The following ZFAT variants were observed in gnomAD, a reference collection of about 807,000 sequenced individuals.
ZFAT encodes the protein zinc finger and AT-hook domain containing.
In ZFAT, 64 loss-of-function variants were observed where a neutral mutation model predicts 117.7. The ratio of observed to expected loss-of-function variants is 0.54; its 90% CI spans 0.44 to 0.67. The LOEUF (loss-of-function observed/expected upper bound fraction) is 0.67, where lower values mean the gene tolerates loss of function less well. ZFAT is among the 30% of genes least tolerant of loss of function. The pLI is 0.00. For missense variants in ZFAT, 1,433 were observed against 1,584.5 expected, an observed-to-expected ratio of 0.90 and a Z score of 1.62; for synonymous variants, 679 against 615.0, an observed-to-expected ratio of 1.10 and a Z score of -1.54.
intron 7 of ZFAT, among the ~76,000 whole-genome samples, chr8:134,595,134 T>C (rs1826831448): frequency 6.6e-6 from 1 of 152,072 alleles, no homozygotes; most frequent in Admixed American, 6.5e-5. Flanking sequence ...CCCACAGGGG[T>C]CACCCATCTG....
intron 1 of ZFAT, among the ~76,000 whole-genome samples, chr8:134,680,078 A>T (rs1031311996): frequency 1.3e-5 from 2 of 151,732 alleles, no homozygotes; most frequent in Non-Finnish European, 2.9e-5. Flanking sequence ...GTACCCCTGA[A>T]CTTAAAGTAT....
At chr8:134,737,803 A>C in the ZFAT span, among the ~76,000 whole-genome samples, 1 of 152,208 alleles carries the variant, frequency 6.6e-6, no homozygotes, top group Non-Finnish European at 1.5e-5. Flanking sequence ...CTACAACCAG[A>C]ACCTCTATCT....
At chr8:134,780,470 C>T in the ZFAT span, among the ~76,000 whole-genome samples, 1 of 152,358 alleles carries the variant, frequency 6.6e-6, no homozygotes, top group South Asian at 2.1e-4. Flanking sequence ...TCCTTGTCCA[C>T]ATGAATGTAT....
chr8:134,697,793 C>G (rs549465509), intron 1 of ZFAT, among the ~76,000 whole-genome samples: 286 of 149,370 alleles, frequency 1.9e-3, no homozygotes, highest in Non-Finnish European at 3.3e-3. Flanking sequence ...GTTGGCCAGG[C>G]TGATCTTAAA....
At chr8:134,585,282 C>T (rs1053010213) in intron 9 of ZFAT, among the ~76,000 whole-genome samples, 3 of 152,080 alleles carry the variant, frequency 2.0e-5, no homozygotes, top group African/African-American at 7.2e-5. Context: ...ATTTCAACCC[C>T]GAGTCAAAGC....
chr8:134,669,129 C>G (rs200207305), intron 1 of ZFAT, among the ~76,000 whole-genome samples: 4 of 152,156 alleles, frequency 2.6e-5, no homozygotes, highest in African/African-American at 9.7e-5. Context: ...CGTCTGATCG[C>G]TGTACCTGAA....
chr8:134,811,252 T>G, the ZFAT span, among the ~76,000 whole-genome samples: 1 of 152,208 alleles, frequency 6.6e-6, no homozygotes, highest in Non-Finnish European at 1.5e-5. Flanking sequence ...AGATTATCGT[T>G]TTTATACTTC....
chr8:134,520,917 T>C lies in ZFAT; in HGVS notation c.3200A>G (p.Lys1067Arg). Residue 1067 changes from lysine (K) to arginine (R), a missense_variant, in exon 13 of 16, where the codon AAG becomes AGG. Lys to Arg is a conservative substitution (Grantham distance 26). Around this residue, in one of 5 missense-constraint regions of ZFAT, gnomAD observed 503 missense variants for 543.4 expected, o/e 0.93. Transcript: ENST00000377838. ...NRHLKNKHGL[K>R]VVEIDGDPKW... is the part of the protein sequence containing the mutation. ...GGGGTCTCCATCAATTTCCACCACCTTCAAGCCATGTTTGTTCTTCAAGTG... is the reference window on the plus strand; with the variant it reads ...GGGGTCTCCATCAATTTCCACCACCCTCAAGCCATGTTTGTTCTTCAAGTG... 1 of 1,613,926 alleles carries C rather than the reference T, an allele frequency of 6.2e-7. No individual in the cohort carries two copies. The highest frequency in any genetic ancestry group is 8.5e-7 in the Non-Finnish European group (1 of 1,179,848).
chr8:134,751,407 T>C, the ZFAT span, among the ~76,000 whole-genome samples: 4 of 152,140 alleles, frequency 2.6e-5, no homozygotes, highest in African/African-American at 9.7e-5. Context: ...CCAGTCGGGA[T>C]ACGTGGGTTG....
At chr8:134,804,381 G>A in the ZFAT span, among the ~76,000 whole-genome samples, 9 of 152,298 alleles carry the variant, frequency 5.9e-5, no homozygotes, top group Middle Eastern at 3.4e-3. Flanking sequence ...CTCAGGGTGA[G>A]GGGAACAGGA....
chr8:134,632,327 A>G (rs1829944012), intron 3 of ZFAT, among the ~76,000 whole-genome samples: 1 of 152,230 alleles, frequency 6.6e-6, no homozygotes. Context: ...TACATATAAC[A>G]TACCAAATAT....
At chr8:134,810,282 A>G in the ZFAT span, among the ~76,000 whole-genome samples, 3 of 152,314 alleles carry the variant, frequency 2.0e-5, no homozygotes, top group African/African-American at 7.2e-5. Context: ...TATATAAGCA[A>G]AAAGAGATTT....
chr8:134,481,608 C>T (rs573420007), intron 15 of ZFAT, among the ~76,000 whole-genome samples: 4 of 152,194 alleles, frequency 2.6e-5, no homozygotes, highest in Admixed American at 6.5e-5. Flanking sequence ...AGGAGAACCA[C>T]GCCAGGACCA....
the ZFAT span, among the ~76,000 whole-genome samples, chr8:134,776,626 C>T: frequency 1.3e-5 from 2 of 152,168 alleles, no homozygotes; most frequent in Non-Finnish European, 2.9e-5. Context: ...AACAGCTAGG[C>T]CTGCATAGCT....
the ZFAT span, among the ~76,000 whole-genome samples, chr8:134,762,036 C>T: frequency 1.3e-5 from 2 of 149,056 alleles, no homozygotes; most frequent in Non-Finnish European, 2.9e-5. Flanking sequence ...TCCACAGGAC[C>T]ACAAGAGGCC....
At chr8:134,744,055 A>T in the ZFAT span, among the ~76,000 whole-genome samples, 1 of 152,148 alleles carries the variant, frequency 6.6e-6, no homozygotes, top group Non-Finnish European at 1.5e-5. Context: ...CAAATTTATT[A>T]TCTCACACTT....
chr8:134,675,320 A>G (rs757073684), intron 1 of ZFAT, among the ~76,000 whole-genome samples: 5 of 152,216 alleles, frequency 3.3e-5, no homozygotes, highest in Non-Finnish European at 7.3e-5. Flanking sequence ...ACAAGTATCA[A>G]TAGCCAAATC....
At chr8:134,585,004 A>G (rs943609962) in intron 9 of ZFAT, among the ~76,000 whole-genome samples, 2 of 152,224 alleles carry the variant, frequency 1.3e-5, no homozygotes, top group Non-Finnish European at 2.9e-5. Flanking sequence ...CGCAAAGCCC[A>G]GCTCTGGTCT....
At chr8:134,629,720 T>A (rs547537685) in intron 3 of ZFAT, among the ~76,000 whole-genome samples, 44 of 152,350 alleles carry the variant, frequency 2.9e-4, no homozygotes, top group South Asian at 8.3e-4. Flanking sequence ...GCAATGATTG[T>A]AAGTTTCCTG....
Sources: gnomAD v4.1 joint callset for allele counts (sites outside exome capture counted in the v4.1 genomes callset) on GRCh38, gnomAD v4.1.1 for gene constraint, gnomAD v4.1.1 regional missense constraint, MANE v1.5 for transcripts, NCBI Gene and HGNC (gene_info 2026-07-23, HGNC 2026-07-21) for gene names.